FUT8: variants seen among roughly 807,000 people sequenced by gnomAD.
FUT8 encodes the protein fucosyltransferase 8.
A neutral mutation model predicts 71.3 loss-of-function variants in FUT8; 29 were observed. That is an observed-to-expected ratio of 0.41 (90% CI 0.30 to 0.55). The LOEUF is 0.55. Ranked by LOEUF, FUT8 falls within the 20% of genes least tolerant of loss-of-function variation. The probability of loss-of-function intolerance (pLI) is 0.34; values close to 1 mark genes in which losing one functional copy is unlikely to be tolerated. For missense variants in FUT8, 544 were observed against 702.1 expected, an observed-to-expected ratio of 0.77 and a Z score of 2.55; for synonymous variants, 254 against 239.3, an observed-to-expected ratio of 1.06 and a Z score of -0.57.
intron 1 of FUT8, among the ~76,000 whole-genome samples, chr14:65,454,684 A>G (rs1171384642): frequency 6.6e-6 from 1 of 152,220 alleles, no homozygotes; most frequent in African/African-American, 2.4e-5. Context: ...ATAAGAGTAA[A>G]GCAAGTGGCA....
chr14:65,715,151 G>A (rs531125254), intron 7 of FUT8, among the ~76,000 whole-genome samples: 1 of 152,338 alleles, frequency 6.6e-6, no homozygotes, highest in Admixed American at 6.5e-5. Flanking sequence ...TCTTTGTTGT[G>A]TTCCAGATCT....
intron 1 of FUT8, among the ~76,000 whole-genome samples, chr14:65,455,234 A>G (rs1214170905): frequency 6.6e-6 from 1 of 152,212 alleles, no homozygotes; most frequent in Non-Finnish European, 1.5e-5. Context: ...GGTGTCATAC[A>G]AAATCGAGGG....
At chr14:65,509,596 C>A (rs145377951) in intron 2 of FUT8, among the ~76,000 whole-genome samples, 11 of 151,992 alleles carry the variant, frequency 7.2e-5, no homozygotes, top group Non-Finnish European at 1.6e-4. Flanking sequence ...CAATTTCTTT[C>A]ATCAATATAG....
chr14:65,604,652 A>C (rs565912449), intron 3 of FUT8, among the ~76,000 whole-genome samples: 21 of 152,054 alleles, frequency 1.4e-4, no homozygotes, highest in African/African-American at 4.1e-4. Flanking sequence ...AAAAGTCTGA[A>C]AGAGCACAAG....
At chr14:65,692,011 A>G (rs1893631624) in intron 7 of FUT8, among the ~76,000 whole-genome samples, 1 of 152,050 alleles carries the variant, frequency 6.6e-6, no homozygotes, top group Non-Finnish European at 1.5e-5. Flanking sequence ...CTTTCTACAC[A>G]GACACGGCAA....
At chr14:65,505,306 GTTTTTT>G (rs1001286768) in intron 2 of FUT8, among the ~76,000 whole-genome samples, 5 of 95,768 alleles carry the variant, frequency 5.2e-5, no homozygotes, top group East Asian at 3.4e-4. Context: ...CTACATTTCA[GTTTTTT>G]TTTTTTTTTT....
chr14:65,459,384 T>G (rs1438807564), intron 2 of FUT8, among the ~76,000 whole-genome samples: 3 of 152,286 alleles, frequency 2.0e-5, no homozygotes, highest in East Asian at 3.9e-4. Flanking sequence ...ATAAAAAAAT[T>G]TAGATTTTTC....
rs17102854 is a variant in FUT8, at chr14:65,704,277, G to T, written c.836-17498G>T. Among the ~76,000 whole-genome samples the T allele has an allele frequency of 1.5e-4, 23 of 152,114 alleles. No individual in the cohort carries two copies. The East Asian group carries it at 4.4e-3, about 29-fold the overall frequency. ...GATGGCATACCTGCTTATTCTAGTC[G>T]TTTCTTTCAAGGGGGCATGACATGT... On this transcript the variant is annotated intron_variant, in intron 7 of 10. Transcript: ENST00000673929.
intron 6 of FUT8, chr14:65,645,893 T>C (rs560398782): frequency 6.6e-6 from 1 of 152,218 alleles, no homozygotes; most frequent in Admixed American, 6.5e-5. Flanking sequence ...CAAAAGCAAC[T>C]GTGAACTACA....
intron 2 of FUT8, among the ~76,000 whole-genome samples, chr14:65,461,374 T>A (rs919340093): frequency 6.6e-6 from 1 of 152,146 alleles, no homozygotes; most frequent in Non-Finnish European, 1.5e-5. Context: ...TATATCTGCA[T>A]AGACCCTATT....
chr14:65,564,035 C>T (rs1886056519), intron 3 of FUT8, among the ~76,000 whole-genome samples: 1 of 152,034 alleles, frequency 6.6e-6, no homozygotes, highest in Non-Finnish European at 1.5e-5. Flanking sequence ...TTTCCCTCAA[C>T]CTCATTGGGC....
intron 3 of FUT8, among the ~76,000 whole-genome samples, chr14:65,592,351 A>G (rs577176840): frequency 1.8e-4 from 27 of 151,870 alleles, no homozygotes; most frequent in Non-Finnish European, 3.4e-4. Context: ...TCCTTCATTC[A>G]AGCATAAGTG....
chr14:65,424,629 T>C (rs375325424), intron 1 of FUT8, among the ~76,000 whole-genome samples: 6 of 150,430 alleles, frequency 4.0e-5, no homozygotes. Flanking sequence ...CGTCCACCTC[T>C]GGTGTTCAGG....
intron 2 of FUT8, among the ~76,000 whole-genome samples, chr14:65,552,366 G>A (rs1885338981): frequency 6.6e-6 from 1 of 152,128 alleles, no homozygotes; most frequent in Non-Finnish European, 1.5e-5. Context: ...GATATGTAAT[G>A]TATTTTATGT....
chr14:65,397,175 G>A, the FUT8 span, among the ~76,000 whole-genome samples: 1 of 152,206 alleles, frequency 6.6e-6, no homozygotes, highest in Non-Finnish European at 1.5e-5. The surrounding 1 kb of genome is among the most constrained non-coding windows in gnomAD (Gnocchi z 4.2). Flanking sequence ...AGTTCTTGAA[G>A]GGGCACTTAA....
chr14:65,433,534 A>G (rs2065508062), intron 1 of FUT8, among the ~76,000 whole-genome samples: 1 of 152,258 alleles, frequency 6.6e-6, no homozygotes. Context: ...GTGAAAGAGC[A>G]TGCAATGGCA....
intron 6 of FUT8, among the ~76,000 whole-genome samples, chr14:65,666,030 T>G (rs1892194613): frequency 6.6e-6 from 1 of 151,436 alleles, no homozygotes; most frequent in Non-Finnish European, 1.5e-5. Flanking sequence ...CAAACCCCCA[T>G]GACACAAGTT....
Position 65,652,217 on chromosome 14 carries a change from T to C in FUT8, c.598-17026T>C, listed in dbSNP as rs77392764. Among the ~76,000 whole-genome samples, 1 of 152,194 alleles carries C rather than the reference T, an allele frequency of 6.6e-6. No homozygotes were observed. The highest frequency in any genetic ancestry group is 1.9e-4 in the East Asian group (1 of 5,202). Reference sequence around the variant, plus strand: ...AAAGACAGGATGAGAATCAACACTTTGTAAGAGCCTTCAGTGGACCAGAAG... The same window carrying C: ...AAAGACAGGATGAGAATCAACACTTCGTAAGAGCCTTCAGTGGACCAGAAG... On this transcript the variant is annotated intron_variant, in intron 6 of 10. Transcript: ENST00000673929. This position sits in a 1 kb window ranked among gnomAD's most constrained non-coding sequence, Gnocchi z 4.0.
At chr14:65,731,995 C>T (rs142883013) in intron 9 of FUT8, among the ~76,000 whole-genome samples, 1 of 152,264 alleles carries the variant, frequency 6.6e-6, no homozygotes, top group African/African-American at 2.4e-5. Flanking sequence ...TCTAGCATTT[C>T]GTATTTCTTT....
Sources: gnomAD v4.1 joint callset for allele counts (sites outside exome capture counted in the v4.1 genomes callset) on GRCh38, gnomAD v4.1.1 for gene constraint, Gnocchi (gnomAD v3.1) non-coding constraint, MANE v1.5 for transcripts, NCBI Gene and HGNC (gene_info 2026-07-23, HGNC 2026-07-21) for gene names.